The following NAMPT variants were observed in gnomAD, a reference collection of about 807,000 sequenced individuals.
NAMPT encodes the protein nicotinamide phosphoribosyltransferase.
Under a neutral mutation model 58.7 loss-of-function variants are expected in NAMPT, and 7 were observed. The ratio of observed to expected loss-of-function variants is 0.12; its 90% CI spans 0.07 to 0.22. The LOEUF (loss-of-function observed/expected upper bound fraction) is 0.22, where lower values mean the gene tolerates loss of function less well. Among genes scored for constraint, NAMPT ranks in the 10% least tolerant of loss-of-function variants. The pLI is 1.00. For missense variants in NAMPT, 271 were observed against 567.9 expected, an observed-to-expected ratio of 0.48 and a Z score of 5.31; for synonymous variants, 145 against 198.1, an observed-to-expected ratio of 0.73 and a Z score of 2.25.
At chr7:106,269,401 G>C in intron 4 of NAMPT, 89 bp from the exon 5 acceptor site, 1 of 1,228,126 alleles carries the variant, frequency 8.1e-7, no homozygotes, top group Non-Finnish European at 1.1e-6. Flanking sequence ...TTTTTTGGAG[G>C]TATGTCCTGA....
intron 2 of NAMPT, 103 bp downstream of exon 2, chr7:106,276,920 T>TTG: frequency 1.1e-6 from 1 of 900,266 alleles, no homozygotes; most frequent in Non-Finnish European, 1.8e-6. Context: ...AATTATATGA[T>TTG]TTAATGCATC....
intron 3 of NAMPT, among the ~76,000 whole-genome samples, 199 bp downstream of exon 3, chr7:106,274,747 A>G (rs1792601104): frequency 6.6e-6 from 1 of 152,062 alleles, no homozygotes; most frequent in African/African-American, 2.4e-5. Context: ...CCCAGCTACT[A>G]AGGAGGCTAA....
intron 6 of NAMPT, among the ~76,000 whole-genome samples, chr7:106,266,662 A>G (rs1792417339): frequency 6.6e-6 from 1 of 152,262 alleles, no homozygotes; most frequent in Non-Finnish European, 1.5e-5. Context: ...CTTTCCATTT[A>G]TTTAGCACCT....
Position 106,250,966 on chromosome 7 carries a change from T to C in NAMPT, c.*117A>G. 1.4e-6 allele frequency: 1 copy of C among 706,072 alleles called. No individual in the cohort carries two copies. Among genetic ancestry groups the C allele is most frequent in the Non-Finnish European group, 2.5e-6 (1 of 404,974 alleles). 43.7% of individuals were successfully genotyped at this position (706,072 alleles called of 1,614,324 possible). On this transcript the variant is annotated 3_prime_UTR_variant, in exon 11 of 11. Transcript: ENST00000222553. The stretch of plus-strand genomic sequence containing the variant: ...GAAAAGAAAAAAAATGAAAGGGCAG[T>C]ATGTCCATAAACCAACAAATAATTT...
chr7:106,285,179 C>T (rs550702474), upstream of NAMPT: 4 of 1,222,884 alleles, frequency 3.3e-6, no homozygotes, highest in East Asian at 3.7e-5. Context: ...CGAGAAAGGG[C>T]GGGGCGCGGC....
At chr7:106,267,794 T>C (rs1431770038) in intron 6 of NAMPT, among the ~76,000 whole-genome samples, 1 of 113,558 alleles carries the variant, frequency 8.8e-6, no homozygotes, top group Non-Finnish European at 1.7e-5. Context: ...TGAGCCGAGA[T>C]CCCGCCACTG....
chr7:106,263,413 G>A lies in NAMPT; in HGVS notation c.948C>T (p.Asn316=). The A allele has an allele frequency of 6.2e-7, 1 of 1,600,614 alleles. No individual in the cohort carries two copies. The highest frequency in any genetic ancestry group is 1.7e-5 in the Admixed American group (1 of 59,774). Residue 316 remains asparagine, a synonymous_variant, in exon 7 of 11, where the codon AAC becomes AAT. Transcript: ENST00000222553. ...TTACCTTTAACACAGTGTCAAGAGG[G>A]TTTCCAGAATCAGGTCTGATTATTA... ...APLIIRPDSG[N]PLDTVLKVLE...
intron 3 of NAMPT, among the ~76,000 whole-genome samples, chr7:106,273,968 C>T (rs753573632): frequency 9.9e-5 from 15 of 151,708 alleles, no homozygotes; most frequent in Non-Finnish European, 1.6e-4. Flanking sequence ...AAGTAACACT[C>T]AACATCAAGA....
intron 3 of NAMPT, among the ~76,000 whole-genome samples, chr7:106,273,449 A>G (rs900638047): frequency 1.3e-5 from 2 of 152,216 alleles, no homozygotes; most frequent in African/African-American, 4.8e-5. Flanking sequence ...TCTGTTTAAT[A>G]CAAGCACTGG....
chr7:106,257,921 G>T (rs533458880), intron 8 of NAMPT, among the ~76,000 whole-genome samples: 9 of 152,108 alleles, frequency 5.9e-5, no homozygotes, highest in Non-Finnish European at 1.3e-4. Context: ...GTGTATACAC[G>T]TAAGTGCTAA....
At chr7:106,276,735 GGGAGGCAGAGGCA>G in intron 2 of NAMPT, 1 of 302,766 alleles carries the variant, frequency 3.3e-6, no homozygotes, top group South Asian at 3.2e-5. Context: ...CCATCTACTC[GGGAGGCAGAGGCA>G]GGAGAATTGC....
intron 1 of NAMPT, among the ~76,000 whole-genome samples, chr7:106,280,171 G>A (rs1006411129): frequency 3.9e-5 from 6 of 152,150 alleles, no homozygotes; most frequent in Non-Finnish European, 8.8e-5. Flanking sequence ...AAGAGTGCAG[G>A]AGTTAGGGGC....
At chr7:106,273,841 T>C (rs1489690592) in intron 3 of NAMPT, among the ~76,000 whole-genome samples, 1 of 152,010 alleles carries the variant, frequency 6.6e-6, no homozygotes, top group Non-Finnish European at 1.5e-5. Context: ...TCAAGACCCA[T>C]AAGTACCAAA....
chr7:106,258,650 G>A (rs1357467660), intron 8 of NAMPT, among the ~76,000 whole-genome samples: 1 of 152,194 alleles, frequency 6.6e-6, no homozygotes, highest in African/African-American at 2.4e-5. Flanking sequence ...ATTTCCCATT[G>A]CATATAAAAG....
intron 6 of NAMPT, among the ~76,000 whole-genome samples, chr7:106,267,866 A>ACAAAAAAAAAAC (rs1562815954): frequency 7.5e-6 from 1 of 133,566 alleles, no homozygotes; most frequent in Non-Finnish European, 1.7e-5. Flanking sequence ...AAAAAAAAAA[A>ACAAAAAAAAAAC]AAAAAAAAAA....
chr7:106,254,046 G>A (rs1792151730), intron 9 of NAMPT, among the ~76,000 whole-genome samples: 1 of 151,956 alleles, frequency 6.6e-6, no homozygotes, highest in African/African-American at 2.4e-5. Context: ...TGATGGCTAG[G>A]TAAGCTGACA....
Position 106,251,212 on chromosome 7 carries a change from C to T in NAMPT, c.1366-19G>A, listed in dbSNP as rs777727919. On this transcript the variant is annotated intron_variant, in intron 10 of 10. Transcript: ENST00000222553. ...GAAGATCCTGCATAAATGGAAATTT[C>T]ATGATTATATTACATTATTAAGCAA... is the stretch of plus-strand genomic sequence containing the variant. 12 of 1,499,800 alleles carry T rather than the reference C, an allele frequency of 8.0e-6. No homozygotes were observed. The Admixed American group carries it at 8.4e-5, about 11-fold the overall frequency. 92.9% of individuals were successfully genotyped at this position (1,499,800 alleles called of 1,614,324 possible).
intron 1 of NAMPT, among the ~76,000 whole-genome samples, chr7:106,279,427 A>AT (rs201999026): frequency 9.7e-6 from 1 of 103,304 alleles, no homozygotes; most frequent in Non-Finnish European, 2.3e-5. Context: ...GTCTACTTAT[A>AT]GGGGTATATG....
chr7:106,252,327 A>G (rs1035942895), intron 10 of NAMPT, among the ~76,000 whole-genome samples: 3 of 152,054 alleles, frequency 2.0e-5, no homozygotes, highest in East Asian at 1.9e-4. Context: ...TTACAAACAT[A>G]TTTTTTCATT....
Sources: allele counts gnomAD v4.1 joint callset (sites outside exome capture counted in the v4.1 genomes callset), GRCh38; gene constraint gnomAD v4.1.1; transcripts MANE v1.5; gene names NCBI Gene and HGNC (gene_info 2026-07-23, HGNC 2026-07-21).